Variants in FRY observed in about 807,000 individuals in gnomAD.
FRY encodes FRY microtubule binding protein, also known as protein furry homolog.
In FRY, 128 loss-of-function variants were observed where a neutral mutation model predicts 348.4. That is an observed-to-expected ratio of 0.37 (90% CI 0.32 to 0.43). FRY has a LOEUF of 0.43. Among genes scored for constraint, FRY ranks in the 20% least tolerant of loss-of-function variants. The pLI is 1.00. For synonymous variants in FRY, 1,370 were observed against 1,374.7 expected (o/e 1.00, Z 0.08); for missense variants, 2,736 against 3,695.2 (o/e 0.74, Z 6.73).
At chr13:32,223,205 G>T (rs373327344) in intron 36 of FRY, among the ~76,000 whole-genome samples, 3 of 151,912 alleles carry the variant, frequency 2.0e-5, no homozygotes, top group African/African-American at 7.3e-5. Flanking sequence ...TGATCTACCC[G>T]CCTTGGCCTT....
chr13:32,227,803 G>A (rs147619039), intron 39 of FRY, among the ~76,000 whole-genome samples: 2,859 of 149,242 alleles, frequency 0.019, 44 homozygotes, highest in Admixed American at 0.029. Context: ...CCAGGCTGGA[G>A]CGCAGCGGCG....
intron 2 of FRY, among the ~76,000 whole-genome samples, chr13:32,084,602 A>G (rs1011260401): frequency 1.3e-5 from 2 of 152,190 alleles, no homozygotes; most frequent in Non-Finnish European, 2.9e-5. Context: ...TCTTTACTTT[A>G]TCTAAGCTAC....
In FRY at chr13:32,180,266, G is replaced by A. The variant is rs773038862; in HGVS notation, c.2996+467G>A. Among the ~76,000 whole-genome samples the A allele has an allele frequency of 2.7e-5, 4 of 149,420 alleles. No individual in the cohort carries two copies. The South Asian group carries it at 8.5e-4, about 32-fold the overall frequency. ...TTTTTTTTTCTTGAGACGGAGTCTCGCTCTGTCACGCAGGCTGGAGTGCAG... is the reference window on the plus strand; with the variant it reads ...TTTTTTTTTCTTGAGACGGAGTCTCACTCTGTCACGCAGGCTGGAGTGCAG... On this transcript the variant is annotated intron_variant, in intron 23 of 60. Transcript: ENST00000542859.
intron 21 of FRY, 76 bp downstream of exon 21, chr13:32,178,512 ATTGGGATGT>A: frequency 6.8e-7 from 1 of 1,474,914 alleles, no homozygotes; most frequent in Non-Finnish European, 9.4e-7. Context: ...TGTGTAAGAG[ATTGGGATGT>A]TATCATCCCA....
intron 1 of FRY, among the ~76,000 whole-genome samples, chr13:32,063,222 A>C (rs1008380689): frequency 6.6e-6 from 1 of 152,190 alleles, no homozygotes; most frequent in Non-Finnish European, 1.5e-5. Flanking sequence ...TCCAGTTTGC[A>C]TAGTCTTCAG....
intron 4 of FRY, among the ~76,000 whole-genome samples, chr13:32,121,829 G>GT (rs1878676399): frequency 6.6e-6 from 1 of 152,148 alleles, no homozygotes; most frequent in Non-Finnish European, 1.5e-5. Context: ...TTGCTTTTGG[G>GT]TTTTGGGTCA....
intron 1 of FRY, among the ~76,000 whole-genome samples, chr13:32,034,040 T>TTGCACCTGCA (rs1192703250): frequency 1.3e-5 from 2 of 152,206 alleles, no homozygotes; most frequent in African/African-American, 2.4e-5. Context: ...AAGCGGCTAA[T>TTGCACCTGCA]TGCACCTGCA....
rs369599894 is a variant in FRY at position 32,289,710 on chromosome 13, C to T, written c.8547C>T (p.Ile2849=). 3.9e-5 allele frequency: 63 copies of T among 1,611,082 alleles called. No homozygotes were observed. Among genetic ancestry groups the T allele is most frequent in the African/African-American group, 2.3e-4 (17 of 74,870 alleles). Residue 2849 remains isoleucine, a synonymous_variant, in exon 59 of 61, where the codon ATC becomes ATT. Coordinates refer to ENST00000542859, the MANE Select transcript of FRY (RefSeq NM_023037.3). ...LLLFQSYCKL[I]GQVHEVSSMP... ...TTTTTCAGTCCTACTGTAAGCTCAT[C>T]GGCCAGGTGCACGAAGTTAGCTCCA...
At chr13:32,137,861 G>A (rs1336735574) in intron 11 of FRY, among the ~76,000 whole-genome samples, 1 of 152,056 alleles carries the variant, frequency 6.6e-6, no homozygotes, top group African/African-American at 2.4e-5. Flanking sequence ...TTAATTTGGT[G>A]AAGTAGTTAA....
chr13:32,088,085 C>T (rs1362596105), intron 2 of FRY, among the ~76,000 whole-genome samples: 7 of 152,212 alleles, frequency 4.6e-5, no homozygotes, highest in Non-Finnish European at 1.0e-4. Context: ...GTGTAAATAG[C>T]AGAAATGCCA....
At chr13:32,064,408 C>A (rs1429913696) in intron 1 of FRY, among the ~76,000 whole-genome samples, 1 of 151,162 alleles carries the variant, frequency 6.6e-6, no homozygotes, top group African/African-American at 2.4e-5. Context: ...CAGATATGTC[C>A]CCCCTGCATC....
At chr13:32,060,912 C>T (rs1873905803) in intron 1 of FRY, 2 of 362,830 alleles carry the variant, frequency 5.5e-6, no homozygotes, top group African/African-American at 4.3e-5. Context: ...AGTTTGTCTT[C>T]TACTGTAGGT....
chr13:32,047,592 C>G (rs1873097274), intron 1 of FRY, among the ~76,000 whole-genome samples: 3 of 119,916 alleles, frequency 2.5e-5, no homozygotes, highest in South Asian at 2.9e-4. Context: ...GGGGGGGGTG[C>G]AGAGTTTCAC....
At chr13:32,158,242 A>G (rs530259464) in intron 16 of FRY, among the ~76,000 whole-genome samples, 1 of 152,348 alleles carries the variant, frequency 6.6e-6, no homozygotes, top group Non-Finnish European at 1.5e-5. Context: ...AAGTTAAAAT[A>G]AAAGCCTCCT....
chr13:32,282,317 C>T (rs1888851098), intron 58 of FRY, among the ~76,000 whole-genome samples: 3 of 152,082 alleles, frequency 2.0e-5, no homozygotes, highest in Non-Finnish European at 4.4e-5. Context: ...TGCCTGGGGA[C>T]AGGTAGAATG....
At chr13:32,047,971 C>T (rs1331052528) in intron 1 of FRY, among the ~76,000 whole-genome samples, 1 of 152,176 alleles carries the variant, frequency 6.6e-6, no homozygotes, top group African/African-American at 2.4e-5. Flanking sequence ...ATGAGTTTCA[C>T]TCTAACTGAC....
At position 32,219,547 on chromosome 13, in the gene FRY, A is replaced by G. The variant is rs570578145; in HGVS notation, c.4765+716A>G. The stretch of plus-strand genomic sequence containing the variant: ...GCCGAGGCGGGTGGATCACGAGGTC[A>G]GGAGATTGAGACCATCCTGGCTAAC... On this transcript the variant is annotated intron_variant, in intron 36 of 60. Transcript: ENST00000542859. Among the ~76,000 whole-genome samples, 4 of 150,470 alleles carry G rather than the reference A, an allele frequency of 2.7e-5. No homozygotes were observed. In the South Asian group the frequency reaches 8.5e-4, roughly 32 times the overall value.
intron 2 of FRY, among the ~76,000 whole-genome samples, chr13:32,099,342 A>G (rs1876995529): frequency 6.6e-6 from 1 of 151,884 alleles, no homozygotes; most frequent in Non-Finnish European, 1.5e-5. Flanking sequence ...ACACACACAC[A>G]TACATACACA....
At chr13:32,206,946 A>G (rs1345152538) in intron 31 of FRY, among the ~76,000 whole-genome samples, 2 of 152,140 alleles carry the variant, frequency 1.3e-5, no homozygotes, top group Non-Finnish European at 2.9e-5. Flanking sequence ...TTTATTTAAA[A>G]TATTTCTGGA....
Sources: allele counts gnomAD v4.1 joint callset (sites outside exome capture counted in the v4.1 genomes callset), GRCh38; gene constraint gnomAD v4.1.1; transcripts MANE v1.5; gene names NCBI Gene and HGNC (gene_info 2026-07-23, HGNC 2026-07-21).